Variants in NAV2 observed in about 807,000 individuals in gnomAD.
The protein encoded by NAV2 is neuron navigator 2, also known as helicase, APC down-regulated 1.
Under a neutral mutation model 223.2 loss-of-function variants are expected in NAV2, and 54 were observed. The ratio of observed to expected loss-of-function variants is 0.24; its 90% confidence interval spans 0.19 to 0.30. NAV2 has a LOEUF of 0.30. NAV2 is among the 10% of genes least tolerant of loss of function. NAV2 has a pLI of 1.00. For missense variants in NAV2, 2,806 were observed against 3,147.5 expected (o/e 0.89, Z 2.60); for synonymous variants, 1,279 against 1,239.3 (o/e 1.03, Z -0.67).
Position 19,808,911 on chromosome 11 carries a change from A to G in NAV2, c.268-23573A>G, listed in dbSNP as rs142535053. 5.4e-3 allele frequency among the ~76,000 whole-genome samples: 830 copies of G among 152,352 alleles called. 5 individuals are homozygous for G. Among genetic ancestry groups the G allele is most frequent in the Middle Eastern group, 0.051 (15 of 294 alleles). ...AATTACAATGTCTTACATCAAGTAA[A>G]CTTGAGGGAACCTCTGGCATTTTTG... is the stretch of plus-strand genomic sequence containing the variant. On this transcript the variant is annotated intron_variant, in intron 1 of 37. Transcript: ENST00000349880.
At chr11:19,805,866 A>G (rs970392589) in intron 1 of NAV2, among the ~76,000 whole-genome samples, 3 of 152,216 alleles carry the variant, frequency 2.0e-5, no homozygotes, top group African/African-American at 7.2e-5. Context: ...TTAAACTGCT[A>G]TCCCAGAGTC....
intron 1 of NAV2, among the ~76,000 whole-genome samples, chr11:19,597,592 A>G (rs1232242159): frequency 6.6e-6 from 1 of 152,234 alleles, no homozygotes; most frequent in African/African-American, 2.4e-5. Flanking sequence ...TGGTGCAGAA[A>G]TTCTCATTAG....
rs77373075 is a variant in NAV2 at position 20,121,168 on chromosome 11, C to T, written c.*2910C>T. ...TCTCTGTATTCAAATTTGATTGTGG[C>T]GAATCTACTTCAAAAAGGAAAAATA... On this transcript the variant is annotated 3_prime_UTR_variant, in exon 38 of 38. Coordinates refer to ENST00000349880, the MANE Select transcript of NAV2 (RefSeq NM_145117.5). The T allele has an allele frequency of 0.015, 2,338 of 152,312 alleles. 36 individuals are homozygous for T. The highest frequency in any genetic ancestry group is 0.025 in the Non-Finnish European group (1,716 of 67,996). 9.4% of individuals were successfully genotyped at this position (152,312 alleles called of 1,614,324 possible).
rs375148314 is a variant in NAV2, at chr11:19,526,179, G to T, written c.75+175152G>T. Among the ~76,000 whole-genome samples the T allele has an allele frequency of 3.9e-5, 6 of 152,236 alleles. No homozygotes were observed. The South Asian group carries it at 8.3e-4, about 21-fold the overall frequency. On this transcript the variant is annotated intron_variant, in intron 1 of 37. Transcript: ENST00000360655. ...CCCCAGGGCCATTACAGCTCCTCCTGGTTCCTGATTCACTGTGTTTTAATC... is the reference window on the plus strand; with the variant it reads ...CCCCAGGGCCATTACAGCTCCTCCTTGTTCCTGATTCACTGTGTTTTAATC...
intron 10 of NAV2, among the ~76,000 whole-genome samples, chr11:19,973,625 A>T (rs2049444736): frequency 6.6e-6 from 1 of 152,196 alleles, no homozygotes; most frequent in South Asian, 2.1e-4. Flanking sequence ...TCAGGGTAAC[A>T]TGTGAATTGT....
rs72907928 is a variant in NAV2 at position 19,689,356 on chromosome 11, A to G, written c.76-143128A>G. Among the ~76,000 whole-genome samples, 1,022 of 152,334 alleles carry G rather than the reference A, an allele frequency of 6.7e-3. 8 individuals are homozygous for G. The highest frequency in any genetic ancestry group is 0.027 in the Middle Eastern group (8 of 294). On this transcript the variant is annotated intron_variant, in intron 1 of 37. Coordinates refer to the NAV2 transcript ENST00000360655. The stretch of plus-strand genomic sequence containing the variant: ...CAAAGACATCAACAAGAGATGAGAC[A>G]AGAAGCCTAGAACCAGGAATGGGAG...
intron 1 of NAV2, among the ~76,000 whole-genome samples, chr11:19,372,801 C>T (rs185088352): frequency 1.4e-4 from 21 of 152,330 alleles, no homozygotes; most frequent in African/African-American, 4.8e-4. Context: ...ATCAGCACTA[C>T]GCTCTAATTA....
chr11:19,952,149 T>A (rs1413435597), intron 10 of NAV2, among the ~76,000 whole-genome samples: 1 of 152,234 alleles, frequency 6.6e-6, no homozygotes, highest in African/African-American at 2.4e-5. Flanking sequence ...ATTCTTCCTA[T>A]AAACTGGCAA....
chr11:19,952,209 A>G (rs547416040), intron 10 of NAV2, among the ~76,000 whole-genome samples: 2 of 152,368 alleles, frequency 1.3e-5, no homozygotes, highest in African/African-American at 4.8e-5. Flanking sequence ...AATGTGCTGA[A>G]TAAGGCATTG....
chr11:19,638,864 A>G (rs1413992369), intron 1 of NAV2, among the ~76,000 whole-genome samples: 1 of 152,134 alleles, frequency 6.6e-6, no homozygotes, highest in Non-Finnish European at 1.5e-5. Flanking sequence ...GTGGTGGCGC[A>G]CACCTGTAAT....
intron 10 of NAV2, among the ~76,000 whole-genome samples, chr11:19,951,550 G>A (rs888021458): frequency 6.9e-6 from 1 of 145,708 alleles, no homozygotes. Context: ...CGAACAAATT[G>A]TGGCTTGTTT....
chr11:19,762,611 C>A (rs75619871), intron 1 of NAV2, among the ~76,000 whole-genome samples: 1 of 109,544 alleles, frequency 9.1e-6, no homozygotes. Flanking sequence ...GAGAAGTCTT[C>A]TTTTTTTTTT....
chr11:20,000,161 C>T (rs1029023015), intron 11 of NAV2, among the ~76,000 whole-genome samples: 35 of 152,170 alleles, frequency 2.3e-4, no homozygotes, highest in African/African-American at 8.2e-4. Flanking sequence ...TGGCAAAACC[C>T]GAAGTAGTTA....
chr11:19,483,675 T>A (rs1229461310), intron 1 of NAV2, among the ~76,000 whole-genome samples: 1 of 152,172 alleles, frequency 6.6e-6, no homozygotes, highest in Non-Finnish European at 1.5e-5. Flanking sequence ...CGGTGCGTGA[T>A]AAGTGCTTCA....
intron 10 of NAV2, among the ~76,000 whole-genome samples, chr11:19,952,682 C>T (rs2047494455): frequency 2.6e-5 from 4 of 152,280 alleles, no homozygotes; most frequent in African/African-American, 9.6e-5. Context: ...TAAAGTGATG[C>T]TGTACTTCGG....
chr11:19,810,577 C>T (rs937656644), intron 1 of NAV2, among the ~76,000 whole-genome samples: 13 of 152,188 alleles, frequency 8.5e-5, no homozygotes, highest in African/African-American at 3.1e-4. Flanking sequence ...TACTGATAAA[C>T]TATACTATAG....
chr11:19,497,997 G>A (rs919726823), intron 1 of NAV2, among the ~76,000 whole-genome samples: 1 of 152,170 alleles, frequency 6.6e-6, no homozygotes, highest in Admixed American at 6.6e-5. Flanking sequence ...TGTCATCGTC[G>A]TAATTTCACA....
intron 1 of NAV2, among the ~76,000 whole-genome samples, chr11:19,727,756 C>T (rs1286719575): frequency 2.0e-5 from 3 of 152,238 alleles, no homozygotes; most frequent in African/African-American, 7.2e-5. Flanking sequence ...AAAGCTGTCA[C>T]ATGATCACTG....
At chr11:19,452,853 C>A (rs1851835948) in intron 1 of NAV2, among the ~76,000 whole-genome samples, 1 of 152,060 alleles carries the variant, frequency 6.6e-6, no homozygotes, top group Admixed American at 6.6e-5. Context: ...AGTCAGGGAC[C>A]CTCTGTATTT....
Sources: gnomAD v4.1 joint callset for allele counts (sites outside exome capture counted in the v4.1 genomes callset) on GRCh38, gnomAD v4.1.1 for gene constraint, MANE v1.5 for transcripts, NCBI Gene and HGNC (gene_info 2026-07-23, HGNC 2026-07-21) for gene names.